CPLX2: variants seen among roughly 807,000 people sequenced by gnomAD.
The protein encoded by CPLX2 is complexin 2, also known as complexin-2.
In CPLX2, 5 loss-of-function variants were observed where a neutral mutation model predicts 16.3. That is an observed-to-expected ratio of 0.31 (90% confidence interval 0.16 to 0.64). The LOEUF (loss-of-function observed/expected upper bound fraction) is 0.64, where lower values mean the gene tolerates loss of function less well. Ranked by LOEUF, CPLX2 falls within the 30% of genes least tolerant of loss-of-function variation. The pLI is 0.79. For synonymous variants in CPLX2, 89 were observed against 73.2 expected (o/e 1.22, Z -1.10); for missense variants, 144 against 181.4 (o/e 0.79, Z 1.18).
At chr5:175,875,109 C>T (rs1198082010) in intron 1 of CPLX2, among the ~76,000 whole-genome samples, 1 of 152,168 alleles carries the variant, frequency 6.6e-6, no homozygotes, top group Non-Finnish European at 1.5e-5. Flanking sequence ...CCTGCAGAGG[C>T]AGCAGAGCTC....
At chr5:175,870,057 T>C (rs1209814598), upstream of CPLX2, among the ~76,000 whole-genome samples, 2 of 152,296 alleles carry the variant, frequency 1.3e-5, no homozygotes, top group East Asian at 3.9e-4. Context: ...CAGGCATTAG[T>C]GGAAAGTCTA....
At chr5:175,819,841 G>A (rs1405587829) in intron 2 of CPLX2, among the ~76,000 whole-genome samples, 2 of 152,230 alleles carry the variant, frequency 1.3e-5, no homozygotes, top group East Asian at 3.8e-4. Flanking sequence ...GGTGCGGAGA[G>A]GACAGCTGGG....
rs942215204 is a variant in CPLX2, at chr5:175,830,427, C to T, written c.-89+21359C>T. 2.0e-5 allele frequency among the ~76,000 whole-genome samples: 3 copies of T among 152,130 alleles called. No individual in the cohort carries two copies. Among genetic ancestry groups the T allele is most frequent in the African/African-American group, 4.8e-5 (2 of 41,422 alleles). The stretch of plus-strand genomic sequence containing the variant: ...GAACCATCATGCCTGTCTCCTTCCC[C>T]GCCCCCGGAGGTGCGTGATGCCCCC... On this transcript the variant is annotated intron_variant, in intron 2 of 4. Transcript: ENST00000359546. The surrounding 1 kb of genome is among the most constrained non-coding windows in gnomAD (Gnocchi z 4.0).
chr5:175,878,880 C>T, intron 2 of CPLX2, 28 bp from the exon 3 acceptor site: 2 of 1,609,980 alleles, frequency 1.2e-6, no homozygotes, highest in Non-Finnish European at 1.7e-6. Flanking sequence ...GCTGACCCCG[C>T]CCTCTCCTTC....
At chr5:175,852,358 G>A (rs1405465953) in intron 2 of CPLX2, among the ~76,000 whole-genome samples, 2 of 152,246 alleles carry the variant, frequency 1.3e-5, no homozygotes, top group Non-Finnish European at 2.9e-5. Context: ...TGGAGGGATG[G>A]AGGAGAGAAG....
chr5:175,828,134 G>A (rs552873730), intron 2 of CPLX2, among the ~76,000 whole-genome samples: 4 of 152,190 alleles, frequency 2.6e-5, no homozygotes, highest in Non-Finnish European at 5.9e-5. Context: ...TTACTTCTGA[G>A]TCAATTTTGT....
intron 2 of CPLX2, among the ~76,000 whole-genome samples, chr5:175,816,568 G>A (rs968119483): frequency 1.3e-5 from 2 of 152,186 alleles, no homozygotes; most frequent in Non-Finnish European, 2.9e-5. Flanking sequence ...CATCAGGGGC[G>A]GGAAAGAATT....
rs146121813 is a variant in CPLX2 at position 175,816,980 on chromosome 5, G to A, written c.-89+7912G>A. On this transcript the variant is annotated intron_variant, in intron 2 of 4. Coordinates refer to the CPLX2 transcript ENST00000359546. ...CCACCTGGTCCCTTCAACATCTTAC[G>A]TGGTGTCCATGGTGACCCAAGAGCG... Among the ~76,000 whole-genome samples the A allele has an allele frequency of 5.6e-3, 860 of 152,334 alleles. 9 individuals carry two copies. Among genetic ancestry groups the A allele is most frequent in the Non-Finnish European group, 8.8e-3 (602 of 68,036 alleles).
intron 2 of CPLX2, among the ~76,000 whole-genome samples, chr5:175,817,023 G>A (rs1456387567): frequency 6.6e-6 from 1 of 152,236 alleles, no homozygotes; most frequent in African/African-American, 2.4e-5. Flanking sequence ...CTGTTGGAAG[G>A]GCTCAGACGC....
At chr5:175,844,141 AG>A (rs1758998698) in intron 2 of CPLX2, among the ~76,000 whole-genome samples, 1 of 152,220 alleles carries the variant, frequency 6.6e-6, no homozygotes, top group African/African-American at 2.4e-5. Flanking sequence ...GACCATCTTG[AG>A]GATGGAAGGC....
At chr5:175,802,243 G>T (rs1231768864) in intron 1 of CPLX2, among the ~76,000 whole-genome samples, 6 of 152,134 alleles carry the variant, frequency 3.9e-5, no homozygotes, top group African/African-American at 7.2e-5. Context: ...AACTTCCAGA[G>T]GTGTTGACGT....
chr5:175,798,830 T>C (rs758337895), intron 1 of CPLX2, among the ~76,000 whole-genome samples: 7 of 152,128 alleles, frequency 4.6e-5, no homozygotes, highest in Non-Finnish European at 7.4e-5. Flanking sequence ...TCCACTCTCA[T>C]CACATGCGCA....
At chr5:175,854,389 T>C (rs1288296650) in intron 2 of CPLX2, among the ~76,000 whole-genome samples, 1 of 152,126 alleles carries the variant, frequency 6.6e-6, no homozygotes. Context: ...GGACTCTTGA[T>C]TGCATGACAC....
intron 2 of CPLX2, among the ~76,000 whole-genome samples, chr5:175,836,028 C>T (rs1055494679): frequency 2.6e-5 from 4 of 152,060 alleles, no homozygotes; most frequent in Non-Finnish European, 4.4e-5. Context: ...CATGAGTCAC[C>T]GCGCCCAGCC....
intron 2 of CPLX2, among the ~76,000 whole-genome samples, chr5:175,859,268 C>A (rs1560033): frequency 0.68 from 103,290 of 152,196 alleles, 35,589 homozygotes; most frequent in East Asian, 0.95. Flanking sequence ...GCAGTCCAAA[C>A]ACACTCTGAA....
At chr5:175,873,679 G>T (rs976569971) in intron 1 of CPLX2, among the ~76,000 whole-genome samples, 2 of 152,196 alleles carry the variant, frequency 1.3e-5, no homozygotes, top group Non-Finnish European at 2.9e-5. Context: ...AATCAATGCT[G>T]CTGATGATGA....
intron 1 of CPLX2, among the ~76,000 whole-genome samples, chr5:175,808,765 T>C (rs1004398754): frequency 4.6e-5 from 7 of 152,234 alleles, no homozygotes; most frequent in Admixed American, 4.6e-4. Flanking sequence ...GTGAACAAGA[T>C]GAGTAACTAC....
At chr5:175,875,074 G>A (rs1029606700) in intron 1 of CPLX2, among the ~76,000 whole-genome samples, 7 of 152,172 alleles carry the variant, frequency 4.6e-5, no homozygotes, top group Admixed American at 3.9e-4. Flanking sequence ...AGCCTCTGGC[G>A]ACTGATTACC....
intron 2 of CPLX2, among the ~76,000 whole-genome samples, chr5:175,819,422 CTT>C (rs1351856320): frequency 6.6e-6 from 1 of 152,214 alleles, no homozygotes; most frequent in Non-Finnish European, 1.5e-5. Context: ...TATTTTCCGT[CTT>C]TTCCATTTCA....
Sources: allele counts gnomAD v4.1 joint callset (sites outside exome capture counted in the v4.1 genomes callset), GRCh38; gene constraint gnomAD v4.1.1; non-coding constraint Gnocchi (gnomAD v3.1); transcripts MANE v1.5; gene names NCBI Gene and HGNC (gene_info 2026-07-23, HGNC 2026-07-21).